The following C18orf54 variants were observed in gnomAD, a reference collection of about 807,000 sequenced individuals.
C18orf54 encodes the protein chromosome 18 open reading frame 54.
Under a neutral mutation model 49.3 loss-of-function variants are expected in C18orf54, and 49 were observed. That is an observed-to-expected ratio of 0.99 (90% CI 0.79 to 1.26). The LOEUF is 1.26. C18orf54 is among the 50% of genes most tolerant of loss of function. The pLI is 0.00. For missense variants in C18orf54, 687 were observed against 620.6 expected (o/e 1.11, Z -1.14); for synonymous variants, 211 against 216.6 (o/e 0.97, Z 0.23).
chr18:54,364,918 C>T (rs1462386522), intron 5 of C18orf54, among the ~76,000 whole-genome samples: 1 of 152,004 alleles, frequency 6.6e-6, no homozygotes, highest in Non-Finnish European at 1.5e-5. Flanking sequence ...GAGTTACAAA[C>T]ATACCTCATA....
At chr18:54,376,856 C>T (rs907359028) in intron 8 of C18orf54, among the ~76,000 whole-genome samples, 1 of 152,110 alleles carries the variant, frequency 6.6e-6, no homozygotes, top group Non-Finnish European at 1.5e-5. Flanking sequence ...TAGTTTCCTT[C>T]CATCTCCTTG....
intron 6 of C18orf54, 42 bp from the exon 7 acceptor site, chr18:54,372,416 TCCCTGAGC>T (rs2089501710): frequency 7.2e-7 from 1 of 1,395,814 alleles, no homozygotes; most frequent in Non-Finnish European, 9.4e-7. Flanking sequence ...AACTCTTCTT[TCCCTGAGC>T]TTGGATGGTT....
intron 1 of C18orf54, 159 bp from the exon 2 acceptor site, chr18:54,358,615 T>C (rs1440079118): frequency 6.6e-6 from 1 of 152,204 alleles, no homozygotes. Flanking sequence ...CGACCTTCGC[T>C]GGCCGGTCGG....
intron 5 of C18orf54, among the ~76,000 whole-genome samples, chr18:54,364,556 CAA>C (rs1599332279): frequency 1.3e-5 from 2 of 152,070 alleles, no homozygotes; most frequent in East Asian, 3.9e-4. Context: ...TCATCAAAAA[CAA>C]AATTGAATAG....
At chr18:54,378,127 A>T (rs2089607115) in intron 8 of C18orf54, 47 bp from the exon 9 acceptor site, 2 of 1,454,392 alleles carry the variant, frequency 1.4e-6, no homozygotes, top group Admixed American at 1.9e-5. Context: ...TTGGCTATTC[A>T]GTTCTTAATA....
At chr18:54,365,221 A>G (rs2089358412) in intron 5 of C18orf54, among the ~76,000 whole-genome samples, 1 of 152,078 alleles carries the variant, frequency 6.6e-6, no homozygotes, top group South Asian at 2.1e-4. Context: ...GTTAAATTTC[A>G]GAATTCTCTT....
In C18orf54 at chr18:54,381,971, T is replaced by C. The variant is rs1212556839; in HGVS notation, c.*3725T>C. The C allele has an allele frequency of 6.6e-6, 1 of 152,256 alleles. No homozygotes were observed. The highest frequency in any genetic ancestry group is 1.5e-5 in the Non-Finnish European group (1 of 68,040). 9.4% of individuals were successfully genotyped at this position (152,256 alleles called of 1,614,324 possible). On this transcript the variant is annotated 3_prime_UTR_variant, in exon 9 of 9. Transcript: ENST00000620105. ...GGTTTTAAATATTGATTGATTGATA[T>C]TCTAAACCTGGTTTCCTATATAAAG...
chr18:54,373,097 C>T (rs2089517118), intron 7 of C18orf54, among the ~76,000 whole-genome samples: 1 of 151,328 alleles, frequency 6.6e-6, no homozygotes, highest in South Asian at 2.1e-4. Context: ...TGTGTATTTC[C>T]CGGGAATTTG....
At chr18:54,368,950 T>C (rs1274794633) in intron 6 of C18orf54, among the ~76,000 whole-genome samples, 1 of 152,214 alleles carries the variant, frequency 6.6e-6, no homozygotes, top group Admixed American at 6.5e-5. Context: ...CATTAGGAGT[T>C]CCTTCATGTT....
intron 6 of C18orf54, among the ~76,000 whole-genome samples, chr18:54,370,360 G>A (rs1039034401): frequency 2.0e-5 from 3 of 151,878 alleles, no homozygotes; most frequent in African/African-American, 7.3e-5. Context: ...CAGTAATCTA[G>A]AGATGATTTA....
chr18:54,361,756 G>T lies in C18orf54; in HGVS notation c.397G>T (p.Ala133Ser), dbSNP rs368290325. Residue 133 changes from alanine (A) to serine (S), a missense_variant, in exon 4 of 9, where the codon GCA becomes TCA. By Grantham distance (99) the Ala-to-Ser change is moderately conservative (BLOSUM62 1). Transcript: ENST00000620105. The stretch of plus-strand genomic sequence containing the variant: ...AACTGATGATCTATTAAGACTCCCA[G>T]CAGATGGATCATTTTCTTATACTTA... ...LTTDDLLRLP[A>S]DGSFSYTYVG... is the part of the protein sequence containing the mutation. 6.2e-6 allele frequency: 10 copies of T among 1,614,036 alleles called. No homozygotes were observed. Among genetic ancestry groups the T allele is most frequent in the Non-Finnish European group, 8.5e-6 (10 of 1,179,960 alleles).
chr18:54,374,320 CT>C (rs1340437048), intron 8 of C18orf54, 36 bp downstream of exon 8: 9 of 1,522,302 alleles, frequency 5.9e-6, no homozygotes, highest in African/African-American at 2.8e-5. Flanking sequence ...ACAAATCCAT[CT>C]TAGCCATTTC....
At chr18:54,359,622 A>G (rs1190952128) in intron 2 of C18orf54, among the ~76,000 whole-genome samples, 1 of 152,244 alleles carries the variant, frequency 6.6e-6, no homozygotes, top group African/African-American at 2.4e-5. Context: ...ATCATAGCAT[A>G]TGTTAAGTCC....
chr18:54,360,104 A>T (rs1224069360), intron 2 of C18orf54, among the ~76,000 whole-genome samples: 1 of 152,136 alleles, frequency 6.6e-6, no homozygotes, highest in South Asian at 2.1e-4. Flanking sequence ...ATTGAGCGCT[A>T]TTATCTGCAG....
At chr18:54,365,961 A>G (rs62093763) in intron 6 of C18orf54, 140 bp downstream of exon 6, 434 of 319,126 alleles carry the variant, frequency 1.4e-3, no homozygotes, top group Non-Finnish European at 2.0e-3. Flanking sequence ...TCCTTCCAGA[A>G]TTATTGATTA....
intron 6 of C18orf54, among the ~76,000 whole-genome samples, chr18:54,372,205 C>T (rs912184820): frequency 9.2e-5 from 14 of 151,910 alleles, no homozygotes; most frequent in Non-Finnish European, 1.6e-4. Flanking sequence ...TAAATATAAA[C>T]GTGCACTATT....
At chr18:54,374,154 A>G (rs1390291708) in intron 7 of C18orf54, 60 bp from the exon 8 acceptor site, 26 of 1,261,024 alleles carry the variant, frequency 2.1e-5, no homozygotes, top group Non-Finnish European at 2.3e-5. Flanking sequence ...TTTCAATACC[A>G]TTTAATTTTG....
Position 54,381,317 on chromosome 18 carries a change from C to T in C18orf54, c.*3071C>T, listed in dbSNP as rs2089668022. On this transcript the variant is annotated 3_prime_UTR_variant, in exon 9 of 9. Coordinates refer to ENST00000620105, the MANE Select transcript of C18orf54 (RefSeq NM_001288980.2). ...CAGTGTATTCTGCATTGTCCTTACCCTAGATCAGCCCCTTCTGTGTTAACA... is the reference window on the plus strand; with the variant it reads ...CAGTGTATTCTGCATTGTCCTTACCTTAGATCAGCCCCTTCTGTGTTAACA... 9.2e-6 allele frequency: 1 copy of T among 108,768 alleles called. No homozygotes were observed. 6.7% of individuals were successfully genotyped at this position (108,768 alleles called of 1,614,324 possible).
intron 1 of C18orf54, 50 bp from the exon 2 acceptor site, chr18:54,358,724 G>A (rs1599319722): frequency 1.3e-5 from 2 of 152,342 alleles, no homozygotes; most frequent in Admixed American, 1.3e-4. Context: ...TTTCCTGTGC[G>A]ATATTCCCAT....
Sources: gnomAD v4.1 joint callset for allele counts (sites outside exome capture counted in the v4.1 genomes callset) on GRCh38, gnomAD v4.1.1 for gene constraint, MANE v1.5 for transcripts, NCBI Gene and HGNC (gene_info 2026-07-23, HGNC 2026-07-21) for gene names.